The following FRAS1 variants were observed in gnomAD, a reference collection of about 807,000 sequenced individuals.
The protein encoded by FRAS1 is Fraser extracellular matrix complex subunit 1.
In FRAS1, 290 loss-of-function variants were observed where a neutral mutation model predicts 435.2. That is an observed-to-expected ratio of 0.67 (90% confidence interval 0.61 to 0.73). The LOEUF is 0.73. Ranked by LOEUF, FRAS1 falls within the 30% of genes least tolerant of loss-of-function variation. FRAS1 has a pLI of 0.00. For missense variants in FRAS1, 4,860 were observed against 5,001.5 expected (o/e 0.97, Z 0.85); for synonymous variants, 1,800 against 1,851.0 (o/e 0.97, Z 0.71).
chr4:78,250,356 C>T (rs1725476926), intron 4 of FRAS1, among the ~76,000 whole-genome samples: 1 of 152,060 alleles, frequency 6.6e-6, no homozygotes, highest in Non-Finnish European at 1.5e-5. Context: ...TTTTATATAA[C>T]ATTATATTGT....
chr4:78,232,520 C>T (rs1306957057), intron 2 of FRAS1, among the ~76,000 whole-genome samples: 3 of 151,992 alleles, frequency 2.0e-5, no homozygotes, highest in South Asian at 4.1e-4. Context: ...CTCCTGACCT[C>T]GTGATCTGCC....
intron 18 of FRAS1, among the ~76,000 whole-genome samples, chr4:78,325,620 T>C (rs1178418678): frequency 6.6e-6 from 1 of 152,226 alleles, no homozygotes; most frequent in Non-Finnish European, 1.5e-5. Context: ...TTTTATAGCA[T>C]GGGTGTGCCA....
At chr4:78,365,313 C>A (rs952139004) in intron 22 of FRAS1, among the ~76,000 whole-genome samples, 2 of 152,058 alleles carry the variant, frequency 1.3e-5, no homozygotes, top group African/African-American at 2.4e-5. Context: ...TAACAAAAAC[C>A]TTGCTTTGTG....
chr4:78,227,075 T>C lies in FRAS1; in HGVS notation c.109-10435T>C, dbSNP rs184908204. 3.5e-3 allele frequency among the ~76,000 whole-genome samples: 538 copies of C among 152,338 alleles called. 5 individuals carry two copies. The highest frequency in any genetic ancestry group is 0.012 in the African/African-American group (504 of 41,586). On this transcript the variant is annotated intron_variant, in intron 2 of 73. Coordinates refer to ENST00000512123, the MANE Select transcript of FRAS1 (RefSeq NM_025074.7). The stretch of plus-strand genomic sequence containing the variant: ...TAGTTATTTAACATGTTTCAAGATA[T>C]GTATCTATTGTCTTTCATTATCTTC...
chr4:78,255,601 C>T (rs1725755029), intron 6 of FRAS1, among the ~76,000 whole-genome samples: 2 of 152,208 alleles, frequency 1.3e-5, no homozygotes, highest in African/African-American at 2.4e-5. Flanking sequence ...TATAATGCAA[C>T]TGAGCCTTGA....
intron 1 of FRAS1, among the ~76,000 whole-genome samples, chr4:78,060,292 C>T (rs978416907): frequency 6.6e-6 from 1 of 152,106 alleles, no homozygotes; most frequent in Non-Finnish European, 1.5e-5. Flanking sequence ...TTGGAAACCT[C>T]AAGGATCTTA....
chr4:78,445,423 T>C (rs1265568774), intron 41 of FRAS1, 99 bp from the exon 42 acceptor site: 7 of 1,402,660 alleles, frequency 5.0e-6, no homozygotes, highest in Non-Finnish European at 6.5e-6. Flanking sequence ...AAATACATTT[T>C]CTTTTTTTTT....
At chr4:78,171,404 A>G (rs1721552269) in intron 2 of FRAS1, among the ~76,000 whole-genome samples, 1 of 152,138 alleles carries the variant, frequency 6.6e-6, no homozygotes, top group African/African-American at 2.4e-5. Flanking sequence ...ATGTGCCCAC[A>G]CAAAATATAT....
chr4:78,230,452 C>G (rs759824188), intron 2 of FRAS1, among the ~76,000 whole-genome samples: 9 of 151,904 alleles, frequency 5.9e-5, no homozygotes, highest in Non-Finnish European at 1.0e-4. Flanking sequence ...AATTGAGAAC[C>G]AATAGAAAAG....
rs187158914 is a variant in FRAS1 at position 78,128,745 on chromosome 4, A to G, written c.108+62729A>G. On this transcript the variant is annotated intron_variant, in intron 2 of 73. Coordinates refer to ENST00000512123, the MANE Select transcript of FRAS1 (RefSeq NM_025074.7). ...TGGTAGTTTCTTTTGCTGTGCAGAA[A>G]TTCTTTAGTTTAATGAGATCCCATT... Among the ~76,000 whole-genome samples the G allele has an allele frequency of 1.4e-3, 206 of 152,144 alleles. 1 individual carries two copies. Among genetic ancestry groups the G allele is most frequent in the African/African-American group, 4.7e-3 (194 of 41,512 alleles).
chr4:78,359,804 G>C (rs953482956), intron 20 of FRAS1, among the ~76,000 whole-genome samples: 1 of 152,150 alleles, frequency 6.6e-6, no homozygotes, highest in Non-Finnish European at 1.5e-5. Flanking sequence ...ACTTGGAGTT[G>C]ATCATTTTAT....
At chr4:78,370,672 T>C (rs1045211652) in intron 23 of FRAS1, among the ~76,000 whole-genome samples, 1 of 152,228 alleles carries the variant, frequency 6.6e-6, no homozygotes, top group African/African-American at 2.4e-5. Context: ...TCTGATGTGT[T>C]CATCTCTGCT....
At chr4:78,456,640 T>C (rs1334416165) in intron 47 of FRAS1, among the ~76,000 whole-genome samples, 1 of 152,204 alleles carries the variant, frequency 6.6e-6, no homozygotes, top group Non-Finnish European at 1.5e-5. Flanking sequence ...GGCGTTTGGT[T>C]GTCACCCTTA....
intron 46 of FRAS1, 37 bp from the exon 47 acceptor site, chr4:78,452,138 A>G (rs760394900): frequency 1.3e-5 from 20 of 1,594,364 alleles, no homozygotes; most frequent in African/African-American, 2.7e-5. Context: ...GAGGCTGAGA[A>G]GATCCCATTT....
At chr4:78,098,266 T>G (rs1170309387) in intron 2 of FRAS1, among the ~76,000 whole-genome samples, 1 of 150,470 alleles carries the variant, frequency 6.6e-6, no homozygotes, top group African/African-American at 2.5e-5. Context: ...GGGGTTAGGA[T>G]AGATCTTTTC....
At position 78,255,338 on chromosome 4, in the gene FRAS1, G is replaced by T; in HGVS notation, c.566G>T (p.Cys189Phe). The T allele has an allele frequency of 6.3e-7, 1 of 1,587,382 alleles. No individual in the cohort carries two copies. The highest frequency in any genetic ancestry group is 2.3e-5 in the East Asian group (1 of 43,828). Residue 189 changes from cysteine (C) to phenylalanine (F), a missense_variant, in exon 6 of 74, where the codon TGC becomes TTC. Physicochemically the swap from Cys to Phe is radical, Grantham distance 205. Transcript: ENST00000512123. ...CTGTGTAGAAATGGGGTTGCCCAGT[G>T]CTTCACAGCTCAGTGTCAGCCTCTA... The part of the protein sequence containing the change: ...KCLCRNGVAQ[C>F]FTAQCQPLFC...
Position 78,400,849 on chromosome 4 carries a change from A to G in FRAS1, c.4091A>G (p.Glu1364Gly). Residue 1364 changes from glutamate to glycine, a missense_variant, in exon 30 of 74, where the codon GAA becomes GGA. Transcript: ENST00000512123. Reference sequence around the variant, plus strand: ...GAGGCTCCTGGTGCCAGTGCTGAAGAAATCATCTACAAGATTACACAAGAC... The same window carrying G: ...GAGGCTCCTGGTGCCAGTGCTGAAGGAATCATCTACAAGATTACACAAGAC... ...QAEAPGASAE[E>G]IIYKITQDYP... is the part of the protein sequence containing the mutation. 1.2e-6 allele frequency: 2 copies of G among 1,613,774 alleles called. No homozygotes were observed. The highest frequency in any genetic ancestry group is 1.7e-6 in the Non-Finnish European group (2 of 1,179,790).
chr4:78,284,174 G>C (rs1390729185), intron 12 of FRAS1, among the ~76,000 whole-genome samples: 1 of 148,052 alleles, frequency 6.8e-6, no homozygotes, highest in African/African-American at 2.5e-5. Flanking sequence ...GGCTATGGGA[G>C]ACAGTGATGA....
In FRAS1 at chr4:78,308,216, G is replaced by A; in HGVS notation, c.1678+7G>A. On this transcript the variant is annotated splice_region_variant and intron_variant, in intron 15 of 73. Coordinates refer to ENST00000512123, the MANE Select transcript of FRAS1 (RefSeq NM_025074.7). Reference sequence around the variant, plus strand: ...AGGCAGGGCACCTGTAGCGGTGAGTGCTGGGTTGCGATGCTGACGTGTCCT... The same window carrying A: ...AGGCAGGGCACCTGTAGCGGTGAGTACTGGGTTGCGATGCTGACGTGTCCT... The A allele has an allele frequency of 2.5e-6, 4 of 1,612,752 alleles. No homozygotes were observed. The highest frequency in any genetic ancestry group is 3.4e-6 in the Non-Finnish European group (4 of 1,179,176).
Sources: gnomAD v4.1 joint callset for allele counts (sites outside exome capture counted in the v4.1 genomes callset) on GRCh38, gnomAD v4.1.1 for gene constraint, MANE v1.5 for transcripts, NCBI Gene and HGNC (gene_info 2026-07-23, HGNC 2026-07-21) for gene names.